The following PTPRK variants were observed in gnomAD, a reference collection of about 807,000 sequenced individuals.
PTPRK encodes the protein protein tyrosine phosphatase receptor type K.
In PTPRK, 75 loss-of-function variants were observed where a neutral mutation model predicts 178.0. That is an observed-to-expected ratio of 0.42 (90% CI 0.35 to 0.51). PTPRK has a LOEUF of 0.51. Among genes scored for constraint, PTPRK ranks in the 20% least tolerant of loss-of-function variants. The pLI, the probability that PTPRK is intolerant of heterozygous loss-of-function variation, is 0.02. For synonymous variants in PTPRK, 637 were observed against 620.6 expected, an observed-to-expected ratio of 1.03 and a Z score of -0.39; for missense variants, 1,441 against 1,797.8, an observed-to-expected ratio of 0.80 and a Z score of 3.59.
rs867079869 is a variant in PTPRK at position 128,184,560 on chromosome 6, G to A, written c.1034C>T (p.Ala345Val). 6.2e-7 allele frequency: 1 copy of A among 1,613,998 alleles called. No homozygotes were observed. The highest frequency in any genetic ancestry group is 1.3e-5 in the African/African-American group (1 of 75,020). ...GSWTETHAVN[A>V]PTYKLWHLDP... Reference sequence around the variant, plus strand: ...TAAATGCCATAATTTGTAAGTTGGAGCATTGACTGCATGGGTTTCTGTCCA... The same window carrying A: ...TAAATGCCATAATTTGTAAGTTGGAACATTGACTGCATGGGTTTCTGTCCA... Residue 345 changes from alanine to valine, a missense_variant, in exon 7 of 30, where the codon GCT (alanine) becomes GTT (valine). This residue lies in a region of PTPRK where 945 missense variants were observed against 1,080.6 expected (regional missense o/e 0.87). Transcript: ENST00000368226.
chr6:128,000,052 A>G (rs1243254060), intron 15 of PTPRK: 2 of 968,450 alleles, frequency 2.1e-6, no homozygotes, highest in Non-Finnish European at 2.5e-6. Flanking sequence ...AAGCATGCTC[A>G]TATTTATCAC....
chr6:128,464,428 G>A (rs1021602802), intron 1 of PTPRK, among the ~76,000 whole-genome samples: 1 of 151,482 alleles, frequency 6.6e-6, no homozygotes, highest in African/African-American at 2.4e-5. Flanking sequence ...TGTGTGATCT[G>A]CCTTAGGAGA....
intron 18 of PTPRK, 171 bp downstream of exon 18, chr6:127,995,291 G>A (rs1022345884): frequency 1.2e-5 from 19 of 1,606,042 alleles, no homozygotes; most frequent in Non-Finnish European, 1.4e-5. Flanking sequence ...AAAGTCAGGT[G>A]TGAAAGAAAG....
Position 128,089,671 on chromosome 6 carries a change from C to T in PTPRK, c.1465+19G>A, listed in dbSNP as rs1786584978. On this transcript the variant is annotated intron_variant, in intron 8 of 29. Coordinates refer to ENST00000368226, the MANE Select transcript of PTPRK (RefSeq NM_002844.4). Reference sequence around the variant, plus strand: ...TGTTAGAGAATTCCCCCCTTTTAAACAGCAAAGTATGAGCATACCATCTTC... The same window carrying T: ...TGTTAGAGAATTCCCCCCTTTTAAATAGCAAAGTATGAGCATACCATCTTC... The T allele has an allele frequency of 6.3e-7, 1 of 1,580,552 alleles. No homozygotes were observed. Among genetic ancestry groups the T allele is most frequent in the Non-Finnish European group, 8.7e-7 (1 of 1,150,756 alleles).
At chr6:128,430,605 G>A (rs1844713520) in intron 1 of PTPRK, among the ~76,000 whole-genome samples, 1 of 152,156 alleles carries the variant, frequency 6.6e-6, no homozygotes, top group South Asian at 2.1e-4. Flanking sequence ...TTGCATGAGA[G>A]TGTATAAAAC....
chr6:128,413,507 T>C (rs1467471488), intron 1 of PTPRK, among the ~76,000 whole-genome samples: 1 of 152,160 alleles, frequency 6.6e-6, no homozygotes, highest in Non-Finnish European at 1.5e-5. Context: ...CTGCATCTGC[T>C]TGGATATTTT....
Position 128,400,734 on chromosome 6 carries a change from G to A in PTPRK, c.101-3046C>T, listed in dbSNP as rs542925074. On this transcript the variant is annotated intron_variant, in intron 1 of 29. Coordinates refer to ENST00000368226, the MANE Select transcript of PTPRK (RefSeq NM_002844.4). ...CTAAACACCAAGTCCTCTATCATACGTGGTCCTCAATACATGTTCTTGAGT... is the reference window on the plus strand; with the variant it reads ...CTAAACACCAAGTCCTCTATCATACATGGTCCTCAATACATGTTCTTGAGT... Among the ~76,000 whole-genome samples, 98 of 152,230 alleles carry A rather than the reference G, an allele frequency of 6.4e-4. 1 individual carries two copies. Among genetic ancestry groups the A allele is most frequent in the Non-Finnish European group, 1.3e-3 (90 of 67,988 alleles).
At chr6:128,211,766 T>C (rs1808226978) in intron 6 of PTPRK, among the ~76,000 whole-genome samples, 1 of 152,124 alleles carries the variant, frequency 6.6e-6, no homozygotes, top group East Asian at 1.9e-4. Context: ...GTAAGTCATA[T>C]AGTGGTAGAG....
At chr6:128,083,130 T>G (rs954796935) in intron 9 of PTPRK, among the ~76,000 whole-genome samples, 5 of 152,120 alleles carry the variant, frequency 3.3e-5, no homozygotes, top group African/African-American at 1.2e-4. Flanking sequence ...CATTAGAAAT[T>G]TAAGCATTTA....
At chr6:128,042,591 TGTGATTACACTC>T (rs1486172642) in intron 13 of PTPRK, among the ~76,000 whole-genome samples, 1 of 152,052 alleles carries the variant, frequency 6.6e-6, no homozygotes, top group African/African-American at 2.4e-5. Context: ...TCAGCACTCT[TGTGATTACACTC>T]GATCTACCTG....
At chr6:128,190,197 G>A (rs1803521256) in intron 6 of PTPRK, among the ~76,000 whole-genome samples, 1 of 152,006 alleles carries the variant, frequency 6.6e-6, no homozygotes, top group South Asian at 2.1e-4. Context: ...CTCCTACACT[G>A]CCAGTTTAAA....
intron 7 of PTPRK, among the ~76,000 whole-genome samples, chr6:128,165,865 A>C (rs765981543): frequency 6.6e-6 from 1 of 151,668 alleles, no homozygotes; most frequent in Admixed American, 6.6e-5. Flanking sequence ...TTCAATAGTT[A>C]AGTGAAAGAT....
intron 29 of PTPRK, among the ~76,000 whole-genome samples, chr6:127,971,568 T>A (rs1163792049): frequency 1.3e-5 from 2 of 152,006 alleles, no homozygotes; most frequent in African/African-American, 4.8e-5. Flanking sequence ...CTCACCAAAC[T>A]CCTCAGCTCA....
intron 1 of PTPRK, among the ~76,000 whole-genome samples, chr6:128,465,694 AT>A (rs1431166705): frequency 6.6e-6 from 1 of 152,082 alleles, no homozygotes; most frequent in Non-Finnish European, 1.5e-5. Context: ...CTTGTCACTT[AT>A]TTTTTATTTG....
chr6:128,297,504 T>A (rs990868018), intron 3 of PTPRK, among the ~76,000 whole-genome samples: 7 of 151,914 alleles, frequency 4.6e-5, no homozygotes, highest in African/African-American at 1.2e-4. Flanking sequence ...ATGTAAAAGA[T>A]CAGAAATTAT....
At chr6:128,363,165 A>T (rs1835002684) in intron 2 of PTPRK, among the ~76,000 whole-genome samples, 1 of 152,086 alleles carries the variant, frequency 6.6e-6, no homozygotes, top group Non-Finnish European at 1.5e-5. Flanking sequence ...TGCTGCCCAC[A>T]TTTCTCATCC....
chr6:128,049,055 G>T (rs2114865520), intron 13 of PTPRK, among the ~76,000 whole-genome samples: 1 of 151,932 alleles, frequency 6.6e-6, no homozygotes, highest in South Asian at 2.1e-4. Context: ...CTCATGAATA[G>T]ACAAGAAACA....
intron 16 of PTPRK, among the ~76,000 whole-genome samples, chr6:127,997,905 T>G (rs1777342408): frequency 6.6e-6 from 1 of 152,108 alleles, no homozygotes; most frequent in Non-Finnish European, 1.5e-5. Flanking sequence ...TTGGATGGCC[T>G]TTTCAAAGCA....
chr6:128,230,545 T>C (rs1178142070), intron 5 of PTPRK, among the ~76,000 whole-genome samples: 1 of 152,152 alleles, frequency 6.6e-6, no homozygotes, highest in Admixed American at 6.5e-5. Context: ...TGAGTCACAA[T>C]AGTTTTTATT....
Sources: allele counts gnomAD v4.1 joint callset (sites outside exome capture counted in the v4.1 genomes callset), GRCh38; gene constraint gnomAD v4.1.1; regional missense constraint gnomAD v4.1.1; transcripts MANE v1.5; gene names NCBI Gene and HGNC (gene_info 2026-07-23, HGNC 2026-07-21).